The following DNASE1 variants were observed in gnomAD, a reference collection of about 807,000 sequenced individuals.
DNASE1 encodes the protein deoxyribonuclease-1.
In DNASE1, 40 loss-of-function variants were observed where a neutral mutation model predicts 33.9. That is an observed-to-expected ratio of 1.18 (90% CI 0.92 to 1.54). DNASE1 has a LOEUF of 1.54. Ranked by LOEUF, DNASE1 falls within the 40% of genes most tolerant of loss-of-function variation. The probability of loss-of-function intolerance (pLI) is 0.00; values close to 1 mark genes in which losing one functional copy is unlikely to be tolerated. For missense variants in DNASE1, 518 were observed against 372.6 expected (o/e 1.39, Z -3.21); for synonymous variants, 216 against 160.0 (o/e 1.35, Z -2.64).
rs1458301421 is a variant in DNASE1, at chr16:3,657,043, G to T, written c.481G>T (p.Asp161Tyr). The T allele has an allele frequency of 1.9e-6, 3 of 1,613,840 alleles. No individual in the cohort carries two copies. The highest frequency in any genetic ancestry group is 2.5e-6 in the Non-Finnish European group (3 of 1,179,992). Reference protein sequence around the residue: ...AIVPLHAAPGDAVAEIDALYD... With the variant: ...AIVPLHAAPGYAVAEIDALYD... ...TGTTCCCCTGCATGCGGCCCCGGGG[G>T]ACGCAGTAGCCGAGATCGACGCTCT... is the stretch of plus-strand genomic sequence containing the variant. The change falls in exon 6 of 9, where the codon GAC becomes TAC. Residue 161 changes from aspartate (D) to tyrosine (Y), a missense_variant. Physicochemically the swap from Asp to Tyr is radical, Grantham distance 160. Coordinates refer to ENST00000246949, the MANE Select transcript of DNASE1 (RefSeq NM_005223.4).
chr16:3,636,549 T>C (rs375041137), intron 1 of DNASE1, among the ~76,000 whole-genome samples: 10 of 152,146 alleles, frequency 6.6e-5, no homozygotes, highest in African/African-American at 2.2e-4. Context: ...AGGCCGGGCA[T>C]GGTGGCTCAC....
downstream of DNASE1, chr16:3,662,848 G>A (rs2043164684): frequency 6.2e-7 from 1 of 1,608,124 alleles, no homozygotes; most frequent in Non-Finnish European, 8.5e-7. Flanking sequence ...GGACACTGCG[G>A]CCAAGTGGTG....
At chr16:3,647,378 ATCC>A (rs1479041734) in intron 1 of DNASE1, among the ~76,000 whole-genome samples, 4 of 151,550 alleles carry the variant, frequency 2.6e-5, no homozygotes, top group Non-Finnish European at 5.9e-5. Flanking sequence ...GGCTCACACA[ATCC>A]TCCTACCTCA....
chr16:3,661,977 G>T, downstream of DNASE1: 1 of 1,594,594 alleles, frequency 6.3e-7, no homozygotes. Flanking sequence ...AGCCAGGAGC[G>T]TGGCCTCACC....
At chr16:3,618,250 TAAAAAA>T (rs34169414) in intron 1 of DNASE1, among the ~76,000 whole-genome samples, 1 of 120,244 alleles carries the variant, frequency 8.3e-6, no homozygotes, top group African/African-American at 3.1e-5. Context: ...AGCCATTTCC[TAAAAAA>T]AAAAAAAAAA....
rs368229366 is a variant in DNASE1 at position 3,657,294 on chromosome 16, C to T, written c.657C>T (p.Pro219=). The T allele has an allele frequency of 1.5e-4, 240 of 1,613,792 alleles. No homozygotes were observed. Among genetic ancestry groups the T allele is most frequent in the Non-Finnish European group, 1.9e-4 (221 of 1,180,028 alleles). The change falls in exon 7 of 9, where the codon CCC becomes CCT. Residue 219 remains proline, a synonymous_variant. Coordinates refer to ENST00000246949, the MANE Select transcript of DNASE1 (RefSeq NM_005223.4). The part of the protein sequence containing the change: ...WTSPTFQWLI[P]DSADTTATPT... ...GCCCCACCTTCCAGTGGCTGATCCC[C>T]GACAGCGCTGACACCACAGCTACAC...
In DNASE1 at chr16:3,655,469, A is replaced by C. The variant is rs8176930; in HGVS notation, c.96A>C (p.Thr32=). 5 of 1,614,030 alleles carry C rather than the reference A, an allele frequency of 3.1e-6. No homozygotes were observed. In the African/African-American group the frequency reaches 6.7e-5, roughly 22 times the overall value. ...SLKIAAFNIQ[T]FGETKMSNAT... ...AGATCGCAGCCTTCAACATCCAGAC[A>C]TTTGGGGAGACCAAGATGTCCAATG... Residue 32 remains threonine, a synonymous_variant, in exon 2 of 9, where the codon ACA becomes ACC. Coordinates refer to ENST00000246949, the MANE Select transcript of DNASE1 (RefSeq NM_005223.4).
At chr16:3,655,557 G>A in intron 2 of DNASE1, 37 bp downstream of exon 2, 1 of 1,613,522 alleles carries the variant, frequency 6.2e-7, no homozygotes, top group Non-Finnish European at 8.5e-7. Flanking sequence ...AAGCAGAGGA[G>A]CTCTGGAGTC....
Position 3,657,057 on chromosome 16 carries a change from G to A in DNASE1, c.495G>A (p.Glu165=), listed in dbSNP as rs1187972888. The A allele has an allele frequency of 6.2e-7, 1 of 1,614,040 alleles. No individual in the cohort carries two copies. The highest frequency in any genetic ancestry group is 1.3e-5 in the African/African-American group (1 of 75,046). The change falls in exon 6 of 9, where the codon GAG becomes GAA. Residue 165 remains glutamate (E), a synonymous_variant. Coordinates refer to ENST00000246949, the MANE Select transcript of DNASE1 (RefSeq NM_005223.4). The part of the protein sequence containing the change: ...LHAAPGDAVA[E]IDALYDVYLD... ...CGGCCCCGGGGGACGCAGTAGCCGA[G>A]ATCGACGCTCTCTATGACGTCTACC... is the stretch of plus-strand genomic sequence containing the variant.
In DNASE1 at chr16:3,654,886, C is replaced by T. The variant is rs2042495155; in HGVS notation, c.-160C>T. The stretch of plus-strand genomic sequence containing the variant: ...CACTGCCTGTGCAGGATCCGGAGCC[C>T]AGCAGCACTGCCAGGGCCTTGAAGT... On this transcript the variant is annotated 5_prime_UTR_variant, in exon 1 of 9. Coordinates refer to ENST00000246949, the MANE Select transcript of DNASE1 (RefSeq NM_005223.4). 2.3e-6 allele frequency: 1 copy of T among 433,346 alleles called. No individual in the cohort carries two copies. Among genetic ancestry groups the T allele is most frequent in the Admixed American group, 3.9e-5 (1 of 25,596 alleles). 26.8% of individuals were successfully genotyped at this position (433,346 alleles called of 1,614,324 possible).
At chr16:3,662,923 A>G (rs749530717), downstream of DNASE1, 55 of 1,613,060 alleles carry the variant, frequency 3.4e-5, no homozygotes, top group Non-Finnish European at 3.9e-5. Flanking sequence ...TTTCTCATCC[A>G]GGCCATGAGC....
At chr16:3,650,662 A>G (rs1294988236), upstream of DNASE1, 2 of 152,134 alleles carry the variant, frequency 1.3e-5, no homozygotes, top group Non-Finnish European at 2.9e-5. Context: ...TTATTAAATA[A>G]GTAAACCCCA....
chr16:3,658,264 G>A (rs1378611543), downstream of DNASE1: 3 of 1,528,924 alleles, frequency 2.0e-6, no homozygotes, highest in Non-Finnish European at 2.7e-6. Context: ...ATTATGAGGG[G>A]CATGGGGCAC....
At chr16:3,660,059 AC>A (rs1281476845), downstream of DNASE1, 1 of 152,226 alleles carries the variant, frequency 6.6e-6, no homozygotes, top group East Asian at 1.9e-4. Context: ...GCACATCCTC[AC>A]ATTTCTAGTC....
At chr16:3,624,605 T>G (rs1283460105) in intron 1 of DNASE1, among the ~76,000 whole-genome samples, 3 of 152,184 alleles carry the variant, frequency 2.0e-5, no homozygotes, top group Non-Finnish European at 4.4e-5. Context: ...TCCGAACATC[T>G]AGACAGGCAA....
chr16:3,639,025 C>T (rs777417413), upstream of DNASE1, among the ~76,000 whole-genome samples: 10 of 152,162 alleles, frequency 6.6e-5, no homozygotes, highest in African/African-American at 9.7e-5. Context: ...GAACTATTGT[C>T]CTTGTCTGCT....
chr16:3,657,219 C>T lies in DNASE1; in HGVS notation c.582C>T (p.Gly194=), dbSNP rs2042723966. 2 of 1,613,934 alleles carry T rather than the reference C, an allele frequency of 1.2e-6. No homozygotes were observed. Among genetic ancestry groups the T allele is most frequent in the Admixed American group, 1.7e-5 (1 of 60,004 alleles). ...DVMLMGDFNA[G]CSYVRPSQWS... ...TGTTGATGGGCGACTTCAATGCGGG[C>T]TGCAGCTATGTGAGACCCTCCCAGT... Residue 194 remains glycine, a synonymous_variant, in exon 7 of 9, where the codon GGC becomes GGT. Coordinates refer to ENST00000246949, the MANE Select transcript of DNASE1 (RefSeq NM_005223.4).
At chr16:3,635,406 C>G (rs1447648792) in intron 1 of DNASE1, among the ~76,000 whole-genome samples, 1 of 138,476 alleles carries the variant, frequency 7.2e-6, no homozygotes, top group East Asian at 2.1e-4. Context: ...TGCAGTGAGC[C>G]AAGATCGCAC....
chr16:3,641,757 C>T (rs1214458008), upstream of DNASE1, among the ~76,000 whole-genome samples: 1 of 152,164 alleles, frequency 6.6e-6, no homozygotes, highest in East Asian at 1.9e-4. Context: ...GGCCCATGGC[C>T]TCCCACACCC....
Sources: allele counts gnomAD v4.1 joint callset (sites outside exome capture counted in the v4.1 genomes callset), GRCh38; gene constraint gnomAD v4.1.1; transcripts MANE v1.5; gene names NCBI Gene and HGNC (gene_info 2026-07-23, HGNC 2026-07-21).